SORCS3: variants seen among roughly 807,000 people sequenced by gnomAD.
SORCS3 encodes sortilin related VPS10 domain containing receptor 3.
A neutral mutation model predicts 146.3 loss-of-function variants in SORCS3; 57 were observed. The ratio of observed to expected loss-of-function variants is 0.39; its 90% CI spans 0.31 to 0.49. The LOEUF is 0.49. Ranked by LOEUF, SORCS3 falls within the 20% of genes least tolerant of loss-of-function variation. The pLI is 0.92. For missense variants in SORCS3, 1,341 were observed against 1,575.5 expected (o/e 0.85, Z 2.52); for synonymous variants, 653 against 618.5 (o/e 1.06, Z -0.83).
intron 2 of SORCS3, among the ~76,000 whole-genome samples, chr10:104,848,467 C>T (rs1030641601): frequency 6.6e-6 from 1 of 152,172 alleles, no homozygotes; most frequent in East Asian, 1.9e-4. Flanking sequence ...TTATGCACTT[C>T]CCTCCCTCTA....
In SORCS3 at chr10:105,248,611, G is replaced by A. The variant is rs146966163; in HGVS notation, c.3105+1280G>A. The stretch of plus-strand genomic sequence containing the variant: ...TGCCTGTAGTCCCAGCTACTCGGGA[G>A]GCTGAGGCAGGAGAGTCACCTGAAC... On this transcript the variant is annotated intron_variant, in intron 22 of 26. Transcript: ENST00000369701. Among the ~76,000 whole-genome samples the A allele has an allele frequency of 9.9e-5, 15 of 152,026 alleles. No individual in the cohort carries two copies. The East Asian group carries it at 2.5e-3, about 26-fold the overall frequency.
intron 1 of SORCS3, among the ~76,000 whole-genome samples, chr10:104,811,957 A>G (rs995661010): frequency 7.9e-5 from 12 of 152,220 alleles, no homozygotes; most frequent in African/African-American, 2.7e-4. Context: ...CTATGCATCT[A>G]ATGAAATTAT....
At chr10:105,209,887 T>C (rs2056623907) in intron 16 of SORCS3, among the ~76,000 whole-genome samples, 1 of 152,194 alleles carries the variant, frequency 6.6e-6, no homozygotes, top group Admixed American at 6.5e-5. Context: ...CTCTACTGTT[T>C]AGTGCTGTGT....
In SORCS3 at chr10:104,662,180, T is replaced by A. The variant is rs749231765; in HGVS notation, c.627+20226T>A. Among the ~76,000 whole-genome samples the A allele has an allele frequency of 8.5e-5, 13 of 152,308 alleles. No homozygotes were observed. The South Asian group carries it at 2.7e-3, about 32-fold the overall frequency. On this transcript the variant is annotated intron_variant, in intron 1 of 26. Transcript: ENST00000369701. The stretch of plus-strand genomic sequence containing the variant: ...TATTATTGATGTTGAAATCAGGATA[T>A]TACAGAGTTTGTGAGTGCGGATAGG...
intron 4 of SORCS3, among the ~76,000 whole-genome samples, chr10:105,006,663 C>T (rs867743368): frequency 6.6e-6 from 1 of 152,182 alleles, no homozygotes; most frequent in Non-Finnish European, 1.5e-5. Context: ...GTGCCCCAAC[C>T]ACTTAATTTT....
At chr10:104,723,887 T>C (rs1289381365) in intron 1 of SORCS3, among the ~76,000 whole-genome samples, 1 of 152,284 alleles carries the variant, frequency 6.6e-6, no homozygotes, top group African/African-American at 2.4e-5. Context: ...GTGAGATGGG[T>C]TTCCTGAATA....
At chr10:104,713,546 A>G (rs1170467480) in intron 1 of SORCS3, among the ~76,000 whole-genome samples, 2 of 152,108 alleles carry the variant, frequency 1.3e-5, no homozygotes. Flanking sequence ...ACATTGATTG[A>G]TGTGATCGCA....
intron 3 of SORCS3, among the ~76,000 whole-genome samples, chr10:104,969,561 A>G (rs987760260): frequency 1.3e-5 from 2 of 152,136 alleles, no homozygotes; most frequent in African/African-American, 4.8e-5. Flanking sequence ...CCTTCCTTTC[A>G]TTCTTCTCAA....
At position 104,799,922 on chromosome 10, in the gene SORCS3, C is replaced by T. The variant is rs552521570; in HGVS notation, c.628-42870C>T. 1.4e-4 allele frequency among the ~76,000 whole-genome samples: 21 copies of T among 152,060 alleles called. 1 individual carries two copies. In the East Asian group the frequency reaches 1.7e-3, roughly 13 times the overall value. ...TGATCTCCTGACCTCGGGATCTGCC[C>T]GCCTCAGCCTCTCAAAGTGCTGGGA... On this transcript the variant is annotated intron_variant, in intron 1 of 26. Transcript: ENST00000369701.
intron 7 of SORCS3, 126 bp from the exon 8 acceptor site, chr10:105,139,271 G>A (rs950037287): frequency 9.5e-6 from 7 of 733,204 alleles, no homozygotes; most frequent in African/African-American, 6.9e-5. Context: ...CCCAAAGCCA[G>A]CAAGGAATAT....
At chr10:104,735,692 C>T (rs536477169) in intron 1 of SORCS3, among the ~76,000 whole-genome samples, 2 of 152,064 alleles carry the variant, frequency 1.3e-5, no homozygotes, top group East Asian at 3.9e-4. Flanking sequence ...TTGGTGGCTG[C>T]TGAGATGAAA....
At chr10:105,186,287 T>A (rs2119581021) in intron 14 of SORCS3, among the ~76,000 whole-genome samples, 1 of 152,292 alleles carries the variant, frequency 6.6e-6, no homozygotes, top group African/African-American at 2.4e-5. Flanking sequence ...TGCCAGGGCT[T>A]TTTATTTGTT....
At chr10:105,109,410 G>A (rs1197109995) in intron 7 of SORCS3, among the ~76,000 whole-genome samples, 1 of 152,076 alleles carries the variant, frequency 6.6e-6, no homozygotes, top group Non-Finnish European at 1.5e-5. Context: ...ACTCTGCACT[G>A]TAATTCCTGC....
At chr10:104,819,821 G>A (rs1187011373) in intron 1 of SORCS3, among the ~76,000 whole-genome samples, 2 of 152,206 alleles carry the variant, frequency 1.3e-5, no homozygotes, top group Non-Finnish European at 2.9e-5. Context: ...GCTGAGATGT[G>A]GAACTCAGGT....
At chr10:105,202,807 A>G (rs888410782) in intron 16 of SORCS3, among the ~76,000 whole-genome samples, 1 of 151,998 alleles carries the variant, frequency 6.6e-6, no homozygotes, top group Non-Finnish European at 1.5e-5. Context: ...AGCTGGATGA[A>G]TTCTTCCCCT....
chr10:105,233,131 T>A (rs2056774363), intron 20 of SORCS3, among the ~76,000 whole-genome samples: 1 of 152,070 alleles, frequency 6.6e-6, no homozygotes, highest in Admixed American at 6.6e-5. Context: ...AAAAACTTTT[T>A]AAAGTGATTG....
chr10:104,862,617 A>G (rs2018417050), intron 2 of SORCS3, among the ~76,000 whole-genome samples: 1 of 151,482 alleles, frequency 6.6e-6, no homozygotes, highest in Non-Finnish European at 1.5e-5. Context: ...TTGTTTTATC[A>G]TTTGTATGTG....
intron 1 of SORCS3, among the ~76,000 whole-genome samples, chr10:104,771,919 T>A (rs956983687): frequency 6.6e-6 from 1 of 152,112 alleles, no homozygotes; most frequent in Non-Finnish European, 1.5e-5. Context: ...TCTTGGATCA[T>A]GTGTTCCGAC....
chr10:104,904,515 G>A (rs1269751504), intron 2 of SORCS3, among the ~76,000 whole-genome samples: 1 of 151,996 alleles, frequency 6.6e-6, no homozygotes, highest in African/African-American at 2.4e-5. Context: ...CAAGATTTTG[G>A]CTAGAAACTG....
Sources: gnomAD v4.1 joint callset for allele counts (sites outside exome capture counted in the v4.1 genomes callset) on GRCh38, gnomAD v4.1.1 for gene constraint, MANE v1.5 for transcripts, NCBI Gene and HGNC (gene_info 2026-07-23, HGNC 2026-07-21) for gene names.